TBC1D32: variants seen among roughly 807,000 people sequenced by gnomAD.
TBC1D32 encodes the protein TBC1 domain family member 32.
Under a neutral mutation model 170.3 loss-of-function variants are expected in TBC1D32, and 151 were observed. That is an observed-to-expected ratio of 0.89 (90% CI 0.78 to 1.01). TBC1D32 has a LOEUF of 1.01. Ranked by LOEUF, TBC1D32 falls within the 50% of genes least tolerant of loss-of-function variation. The pLI is 0.00. For synonymous variants in TBC1D32, 498 were observed against 488.0 expected (o/e 1.02, Z -0.27); for missense variants, 1,464 against 1,457.1 (o/e 1.00, Z -0.08).
intron 22 of TBC1D32, among the ~76,000 whole-genome samples, chr6:121,174,578 A>C (rs1787504179): frequency 6.6e-6 from 1 of 152,240 alleles, no homozygotes; most frequent in Non-Finnish European, 1.5e-5. Context: ...AGCTGCAGCA[A>C]CATTCAATAC....
In TBC1D32 at chr6:121,103,563, A is replaced by G. The variant is rs553403424; in HGVS notation, c.3465+2460T>C. ...AACACATAGACACAGGAAGGGGAAC[A>G]TTACACTCTGGGGCCTGTTGTAGGG... is the stretch of plus-strand genomic sequence containing the variant. On this transcript the variant is annotated intron_variant, in intron 30 of 31. Transcript: ENST00000398212. Among the ~76,000 whole-genome samples the G allele has an allele frequency of 2.5e-5, 3 of 117,944 alleles. No homozygotes were observed. In the South Asian group the frequency reaches 8.9e-4, roughly 35 times the overall value. 77.4% of individuals were successfully genotyped at this position (117,944 alleles called of 152,430 possible).
chr6:121,208,729 G>GAAAAAAAAAAAAAAAAAAAAA (rs57771111), intron 21 of TBC1D32, among the ~76,000 whole-genome samples: 21 of 86,892 alleles, frequency 2.4e-4, no homozygotes, highest in East Asian at 7.5e-4. Flanking sequence ...GAAACACCTG[G>GAAAAAAAAAAAAAAAAAAAAA]AAAAAAAAAA....
intron 26 of TBC1D32, among the ~76,000 whole-genome samples, chr6:121,122,515 T>A (rs1306978755): frequency 3.3e-5 from 5 of 151,676 alleles, no homozygotes; most frequent in Non-Finnish European, 7.4e-5. Flanking sequence ...GCCCTGAAAA[T>A]ACCCATATAT....
intron 17 of TBC1D32, among the ~76,000 whole-genome samples, chr6:121,251,519 T>A (rs2128385432): frequency 6.6e-6 from 1 of 152,154 alleles, no homozygotes; most frequent in Middle Eastern, 3.4e-3. Flanking sequence ...AAACTGAAAC[T>A]AGATGCCTCC....
chr6:121,325,215 A>G (rs1810293062), intron 1 of TBC1D32, among the ~76,000 whole-genome samples: 1 of 151,582 alleles, frequency 6.6e-6, no homozygotes, highest in South Asian at 2.1e-4. Context: ...CCATCTCAAA[A>G]AAAAAAAAAA....
At chr6:121,188,397 T>TAC (rs1789494005) in intron 22 of TBC1D32, among the ~76,000 whole-genome samples, 1 of 152,132 alleles carries the variant, frequency 6.6e-6, no homozygotes, top group Admixed American at 6.6e-5. Context: ...CATAACATAC[T>TAC]ACTTAAACTA....
At chr6:121,178,922 G>A (rs1200751571) in intron 22 of TBC1D32, among the ~76,000 whole-genome samples, 1 of 152,130 alleles carries the variant, frequency 6.6e-6, no homozygotes, top group Non-Finnish European at 1.5e-5. Context: ...AGTTTCACAT[G>A]AGACCACGGC....
intron 31 of TBC1D32, among the ~76,000 whole-genome samples, chr6:121,086,346 C>T (rs1426766919): frequency 6.6e-6 from 1 of 152,092 alleles, no homozygotes. Context: ...ATGCAGAAAA[C>T]GTATCTGCAA....
chr6:121,328,154 T>C (rs1459189888), intron 1 of TBC1D32, among the ~76,000 whole-genome samples: 1 of 152,196 alleles, frequency 6.6e-6, no homozygotes, highest in Non-Finnish European at 1.5e-5. Context: ...ATAGGAATAA[T>C]ATAGCTTTGA....
intron 24 of TBC1D32, among the ~76,000 whole-genome samples, chr6:121,135,941 T>C (rs972613858): frequency 2.0e-5 from 3 of 152,074 alleles, no homozygotes; most frequent in Admixed American, 1.3e-4. Flanking sequence ...GCAACTTAGA[T>C]GCCCACCAAA....
At chr6:121,130,353 G>C (rs914037175) in intron 25 of TBC1D32, among the ~76,000 whole-genome samples, 1 of 152,010 alleles carries the variant, frequency 6.6e-6, no homozygotes, top group African/African-American at 2.4e-5. Flanking sequence ...GTCGTGACAT[G>C]CGCCTGTAAT....
chr6:121,314,413 T>C (rs1182580048), intron 3 of TBC1D32, among the ~76,000 whole-genome samples: 2 of 152,172 alleles, frequency 1.3e-5, no homozygotes, highest in Non-Finnish European at 2.9e-5. Context: ...GATTAGGACA[T>C]GGACATCTTT....
chr6:121,185,655 A>C (rs553805239), intron 22 of TBC1D32, among the ~76,000 whole-genome samples: 2 of 152,210 alleles, frequency 1.3e-5, no homozygotes, highest in African/African-American at 4.8e-5. Context: ...GATTACATTA[A>C]AAATGCCTTC....
chr6:121,220,110 G>A (rs1207525048), intron 21 of TBC1D32, among the ~76,000 whole-genome samples: 1 of 152,064 alleles, frequency 6.6e-6, no homozygotes, highest in Non-Finnish European at 1.5e-5. Context: ...ACCTCTAAGG[G>A]TTCAAATAAA....
chr6:121,264,069 G>A (rs766666198), intron 15 of TBC1D32, among the ~76,000 whole-genome samples: 4 of 151,118 alleles, frequency 2.6e-5, no homozygotes, highest in Non-Finnish European at 5.9e-5. Context: ...CTAGAAGACA[G>A]GAAATAACTA....
At chr6:121,241,575 G>A in intron 18 of TBC1D32, 23 bp from the exon 19 acceptor site, 1 of 1,585,372 alleles carries the variant, frequency 6.3e-7, no homozygotes, top group East Asian at 2.2e-5. Context: ...ATAAGGAACA[G>A]CAATGAAAAG....
At chr6:121,225,980 G>T (rs1795006931) in intron 20 of TBC1D32, among the ~76,000 whole-genome samples, 1 of 152,056 alleles carries the variant, frequency 6.6e-6, no homozygotes, top group Admixed American at 6.6e-5. Context: ...AGAAGAATGA[G>T]ATTTTATGCA....
intron 17 of TBC1D32, among the ~76,000 whole-genome samples, chr6:121,251,661 TA>T (rs1687110560): frequency 6.6e-6 from 1 of 152,128 alleles, no homozygotes; most frequent in Non-Finnish European, 1.5e-5. Flanking sequence ...ACTTCATGAC[TA>T]AAACACCAAA....
intron 19 of TBC1D32, among the ~76,000 whole-genome samples, chr6:121,240,385 T>TTTTTTTTTTCCAAAAA (rs71018118): frequency 7.0e-6 from 1 of 142,650 alleles, no homozygotes; most frequent in Non-Finnish European, 1.5e-5. Context: ...TTTTTTTTTT[T>TTTTTTTTTTCCAAAAA]ACCAAGAAAC....
Sources: allele counts gnomAD v4.1 joint callset (sites outside exome capture counted in the v4.1 genomes callset), GRCh38; gene constraint gnomAD v4.1.1; transcripts MANE v1.5; gene names NCBI Gene and HGNC (gene_info 2026-07-23, HGNC 2026-07-21).